Variants in FOXO1 observed in about 807,000 individuals in gnomAD.
The protein encoded by FOXO1 is forkhead box protein O1.
Under a neutral mutation model 44.1 loss-of-function variants are expected in FOXO1, and 6 were observed. That is an observed-to-expected ratio of 0.14 (90% CI 0.07 to 0.27). FOXO1 has a LOEUF of 0.27. FOXO1 is among the 10% of genes least tolerant of loss of function. FOXO1 has a pLI of 1.00. For synonymous variants in FOXO1, 380 were observed against 362.7 expected, an observed-to-expected ratio of 1.05 and a Z score of -0.54; for missense variants, 737 against 888.8, an observed-to-expected ratio of 0.83 and a Z score of 2.17.
chr13:40,577,368 TCTAA>T (rs1874795707), intron 1 of FOXO1, among the ~76,000 whole-genome samples: 1 of 152,164 alleles, frequency 6.6e-6, no homozygotes, highest in Admixed American at 6.5e-5. Context: ...TGCCCTGACC[TCTAA>T]CTGCTTCCTT....
At chr13:40,656,424 T>G (rs1877862320) in intron 1 of FOXO1, among the ~76,000 whole-genome samples, 3 of 152,230 alleles carry the variant, frequency 2.0e-5, no homozygotes, top group Admixed American at 2.0e-4. Flanking sequence ...TAATCTTTCT[T>G]TCTTTGAATC....
At chr13:40,609,976 T>C (rs1355601168) in intron 1 of FOXO1, among the ~76,000 whole-genome samples, 1 of 152,022 alleles carries the variant, frequency 6.6e-6, no homozygotes, top group Non-Finnish European at 1.5e-5. Flanking sequence ...CTCAAAATTA[T>C]GGTGACCCGC....
chr13:40,626,463 TA>T (rs2137908324), intron 1 of FOXO1, among the ~76,000 whole-genome samples: 1 of 152,344 alleles, frequency 6.6e-6, no homozygotes, highest in East Asian at 1.9e-4. Flanking sequence ...TCAGACTTCA[TA>T]AAAGAAAGTA....
At chr13:40,623,894 T>C (rs959964146) in intron 1 of FOXO1, among the ~76,000 whole-genome samples, 6 of 148,266 alleles carry the variant, frequency 4.0e-5, no homozygotes, top group Non-Finnish European at 5.9e-5. Context: ...GAGACCAGCC[T>C]GGGCAACAAA....
At chr13:40,599,643 A>G (rs1248453744) in intron 1 of FOXO1, among the ~76,000 whole-genome samples, 2 of 152,126 alleles carry the variant, frequency 1.3e-5, no homozygotes, top group Non-Finnish European at 2.9e-5. Context: ...TAGGGTGGGT[A>G]CGGAAAAGGG....
At chr13:40,579,564 CAGG>C (rs1203190849) in intron 1 of FOXO1, among the ~76,000 whole-genome samples, 1 of 150,490 alleles carries the variant, frequency 6.6e-6, no homozygotes, top group African/African-American at 2.5e-5. Flanking sequence ...GGAAAGAAGA[CAGG>C]AGAAGAGTGA....
intron 1 of FOXO1, among the ~76,000 whole-genome samples, chr13:40,600,899 C>T (rs554824692): frequency 1.3e-5 from 2 of 152,266 alleles, no homozygotes; most frequent in East Asian, 1.9e-4. Context: ...TAGATGATTA[C>T]AACCAATCAA....
chr13:40,585,530 A>G (rs558882427), intron 1 of FOXO1, among the ~76,000 whole-genome samples: 1 of 152,332 alleles, frequency 6.6e-6, no homozygotes, highest in Admixed American at 6.5e-5. Flanking sequence ...AAGGGTAATC[A>G]CTTCTTATCA....
rs7982684 is a variant in FOXO1, at chr13:40,608,684, C to T, written c.631-47824G>A. ...TGATTTCTCCAGGCTATCTTTTTTT[C>T]AGATTCTCTTCAGAAAAGAACATTG... On this transcript the variant is annotated intron_variant, in intron 1 of 2. Transcript: ENST00000379561. Among the ~76,000 whole-genome samples, 511 of 151,994 alleles carry T rather than the reference C, an allele frequency of 3.4e-3. 7 individuals carry two copies. Among genetic ancestry groups the T allele is most frequent in the African/African-American group, 0.012 (481 of 41,500 alleles).
intron 1 of FOXO1, among the ~76,000 whole-genome samples, chr13:40,566,644 G>A (rs549373517): frequency 1.4e-3 from 212 of 152,194 alleles, no homozygotes; most frequent in African/African-American, 4.9e-3. Flanking sequence ...TCCACAAAGC[G>A]CTGGGATTAC....
intron 1 of FOXO1, among the ~76,000 whole-genome samples, chr13:40,593,395 C>T (rs1369518731): frequency 2.0e-5 from 3 of 152,160 alleles, no homozygotes; most frequent in Non-Finnish European, 4.4e-5. Context: ...TTGAACCTCA[C>T]ATCATCCTGC....
At chr13:40,596,967 G>C (rs1328513065) in intron 1 of FOXO1, among the ~76,000 whole-genome samples, 1 of 152,136 alleles carries the variant, frequency 6.6e-6, no homozygotes, top group Non-Finnish European at 1.5e-5. Context: ...CCAAAGGGGA[G>C]GAAGACAGCG....
intron 1 of FOXO1, among the ~76,000 whole-genome samples, chr13:40,637,219 C>T (rs1203735215): frequency 6.6e-6 from 1 of 151,980 alleles, no homozygotes; most frequent in Non-Finnish European, 1.5e-5. Flanking sequence ...CCAAGGCAGG[C>T]GGATCAGGAG....
chr13:40,617,570 A>G (rs1876471191), intron 1 of FOXO1, among the ~76,000 whole-genome samples: 1 of 152,164 alleles, frequency 6.6e-6, no homozygotes, highest in South Asian at 2.1e-4. Flanking sequence ...CCAGAAAAGG[A>G]ACTCAGTCTC....
chr13:40,569,041 TG>T (rs1874379872), intron 1 of FOXO1, among the ~76,000 whole-genome samples: 1 of 152,232 alleles, frequency 6.6e-6, no homozygotes, highest in Non-Finnish European at 1.5e-5. Context: ...TCCTTACCTA[TG>T]GTCTCAAACC....
intron 1 of FOXO1, among the ~76,000 whole-genome samples, chr13:40,636,798 A>AAAT (rs1316605799): frequency 6.6e-6 from 1 of 152,140 alleles, no homozygotes; most frequent in Non-Finnish European, 1.5e-5. Context: ...CCTGGCCAAA[A>AAAT]AATAATAATA....
chr13:40,642,921 A>G (rs1180921339), intron 1 of FOXO1, among the ~76,000 whole-genome samples: 1 of 152,240 alleles, frequency 6.6e-6, no homozygotes, highest in East Asian at 1.9e-4. Flanking sequence ...AAAATAAAAA[A>G]TACAAATAAT....
intron 1 of FOXO1, among the ~76,000 whole-genome samples, chr13:40,654,971 A>G (rs1877810090): frequency 6.6e-6 from 1 of 152,164 alleles, no homozygotes; most frequent in Admixed American, 6.5e-5. Context: ...GTTTTATATA[A>G]TATCTTTACT....
intron 1 of FOXO1, among the ~76,000 whole-genome samples, chr13:40,654,641 T>C (rs1271633093): frequency 2.6e-5 from 4 of 152,188 alleles, no homozygotes; most frequent in Admixed American, 6.5e-5. Flanking sequence ...ACTGAAAAAG[T>C]TGACAGCCTG....
Sources: gnomAD v4.1 joint callset for allele counts (sites outside exome capture counted in the v4.1 genomes callset) on GRCh38, gnomAD v4.1.1 for gene constraint, MANE v1.5 for transcripts, NCBI Gene and HGNC (gene_info 2026-07-23, HGNC 2026-07-21) for gene names.